BMP1: variants seen among roughly 807,000 people sequenced by gnomAD.
BMP1 encodes bone morphogenetic protein 1, also known as mammalian tolloid protein.
BMP1 carries 63 observed loss-of-function variants against 116.8 expected under a neutral mutation model. That is an observed-to-expected ratio of 0.54 (90% CI 0.44 to 0.67). The LOEUF (loss-of-function observed/expected upper bound fraction) is 0.67, where lower values mean the gene tolerates loss of function less well. BMP1 is among the 30% of genes least tolerant of loss of function. The pLI, the probability that BMP1 is intolerant of heterozygous loss-of-function variation, is 0.00. For missense variants in BMP1, 1,183 were observed against 1,358.9 expected, an observed-to-expected ratio of 0.87 and a Z score of 2.04; for synonymous variants, 536 against 533.4, an observed-to-expected ratio of 1.00 and a Z score of -0.07.
chr8:22,207,925 C>G (rs2131903229), intron 18 of BMP1, among the ~76,000 whole-genome samples: 1 of 151,984 alleles, frequency 6.6e-6, no homozygotes, highest in African/African-American at 2.4e-5. Context: ...GCTCTGTCGC[C>G]CAGGCTGGAG....
chr8:22,183,927 A>G (rs763555902), intron 8 of BMP1, among the ~76,000 whole-genome samples: 78 of 152,284 alleles, frequency 5.1e-4, no homozygotes, highest in Admixed American at 1.8e-3. Context: ...CAGCAACACT[A>G]TGGGCCAGAT....
intron 2 of BMP1, among the ~76,000 whole-genome samples, chr8:22,174,399 T>C (rs1828369955): frequency 2.0e-5 from 3 of 152,142 alleles, no homozygotes; most frequent in Admixed American, 6.5e-5. Context: ...TTATCCTTGA[T>C]TGTGGTCCAA....
chr8:22,165,882 C>CGTGTGTGTGTGTGTGTGTGT lies in BMP1; in HGVS notation c.148+354_148+373dup, dbSNP rs149003237. The stretch of plus-strand genomic sequence containing the variant: ...TTTTCTGGCCAAACTCCTGTGCGTG[C>CGTGTGTGTGTGTGTGTGTGT]GTGTGTGTGTGTGTGTGTGTGTGTG... On this transcript the variant is annotated intron_variant, in intron 1 of 19. Transcript: ENST00000306385. Among the ~76,000 whole-genome samples, 1,086 of 131,384 alleles carry CGTGTGTGTGTGTGTGTGTGT rather than the reference C, an allele frequency of 8.3e-3. 27 individuals carry two copies. The highest frequency in any genetic ancestry group is 0.021 in the East Asian group (80 of 3,870). The allele number at this position is 131,384 out of a possible 152,430, so 86.2% of individuals were successfully genotyped here. A position where few individuals can be genotyped will look rare whatever the true frequency, so the allele number is the denominator to read the frequency against.
At chr8:22,203,294 G>A (rs1324881609) in intron 16 of BMP1, among the ~76,000 whole-genome samples, 1 of 152,138 alleles carries the variant, frequency 6.6e-6, no homozygotes, top group Non-Finnish European at 1.5e-5. Flanking sequence ...AGTGGCTCAC[G>A]CCTGTAATCC....
intron 8 of BMP1, among the ~76,000 whole-genome samples, chr8:22,185,367 G>A (rs983808275): frequency 5.9e-5 from 9 of 151,728 alleles, no homozygotes; most frequent in Admixed American, 3.9e-4. Flanking sequence ...CAGGAGAATC[G>A]CTCGCTCAAA....
At position 22,209,679 on chromosome 8, in the gene BMP1, G is replaced by A. The variant is rs1408532122; in HGVS notation, c.2810G>A (p.Arg937His). ...GACAGCACAGCCCCCAGGCTGGGGC[G>A]CTACTGTGGCTCAGGGGTGAGGCCC... The part of the protein sequence containing the change: ...GYDSTAPRLG[R>H]YCGSGPPEEV... Residue 937 changes from arginine to histidine, a missense_variant, in exon 19 of 20, where the codon CGC (arginine) becomes CAC (histidine). Arg to His is a conservative substitution (Grantham distance 29). Around this residue, in one of 4 missense-constraint regions of BMP1, gnomAD observed 956 missense variants for 1,135.2 expected, o/e 0.84. Transcript: ENST00000306385. 8.7e-6 allele frequency: 14 copies of A among 1,613,870 alleles called. No homozygotes were observed. The highest frequency in any genetic ancestry group is 1.2e-5 in the Non-Finnish European group (14 of 1,179,952).
chr8:22,209,012 G>GT (rs1217018694), intron 18 of BMP1, among the ~76,000 whole-genome samples: 3 of 152,212 alleles, frequency 2.0e-5, no homozygotes, highest in East Asian at 3.9e-4. Context: ...CCCACACTGT[G>GT]TTTTTTTTAA....
intron 15 of BMP1, among the ~76,000 whole-genome samples, chr8:22,197,961 G>C (rs1196547110): frequency 6.6e-6 from 1 of 152,166 alleles, no homozygotes; most frequent in Non-Finnish European, 1.5e-5. Flanking sequence ...GAGGCAGGAG[G>C]ATCACTTGAG....
In BMP1 at chr8:22,194,295, A is replaced by G; in HGVS notation, c.1297+121A>G. The G allele has an allele frequency of 6.9e-7, 1 of 1,448,514 alleles. No homozygotes were observed. Among genetic ancestry groups the G allele is most frequent in the Non-Finnish European group, 9.6e-7 (1 of 1,043,340 alleles). 89.7% of individuals were successfully genotyped at this position (1,448,514 alleles called of 1,614,324 possible). ...GTTCCCAAGGGAAGAAGCAGAGAGAATGATGGGATTGCCTGGGACTGGGGG... is the reference window on the plus strand; with the variant it reads ...GTTCCCAAGGGAAGAAGCAGAGAGAGTGATGGGATTGCCTGGGACTGGGGG... On this transcript the variant is annotated intron_variant, in intron 10 of 19. Transcript: ENST00000306385. This position sits in a 1 kb window ranked among gnomAD's most constrained non-coding sequence, Gnocchi z 4.5.
At chr8:22,195,314 A>G in intron 12 of BMP1, 148 bp from the exon 13 acceptor site, 2 of 956,518 alleles carry the variant, frequency 2.1e-6, no homozygotes, top group Non-Finnish European at 3.1e-6. Context: ...ACACCAGCCC[A>G]GTCCATGTGC....
chr8:22,177,236 C>G, intron 5 of BMP1, 97 bp downstream of exon 5: 1 of 1,295,248 alleles, frequency 7.7e-7, no homozygotes, highest in Non-Finnish European at 1.1e-6. Context: ...CTCCAGCCAG[C>G]CGTCATCGCC....
intron 8 of BMP1, among the ~76,000 whole-genome samples, chr8:22,183,819 G>T (rs575627282): frequency 1.3e-5 from 2 of 152,120 alleles, no homozygotes; most frequent in South Asian, 2.1e-4. Flanking sequence ...GAGGTGATTC[G>T]CCTGCCTCGG....
Position 22,209,557 on chromosome 8 carries a change from C to T in BMP1, c.2688C>T (p.Ala896=), listed in dbSNP as rs4076619. The change falls in exon 19 of 20, where the codon GCC becomes GCT. Residue 896 remains alanine, a synonymous_variant. Coordinates refer to ENST00000306385, the MANE Select transcript of BMP1 (RefSeq NM_006129.5). ...GGVDCEWVIV[A]EEGYGVELVF... The stretch of plus-strand genomic sequence containing the variant: ...TGGACTGTGAGTGGGTCATTGTGGC[C>T]GAGGAAGGCTACGGCGTGGAGCTCG... 43,511 of 1,614,086 alleles carry T rather than the reference C, an allele frequency of 0.027. 7,298 individuals are homozygous for T. The African/African-American group carries it at 0.42, about 15-fold the overall frequency.
intron 13 of BMP1, chr8:22,196,294 C>T (rs1399464590): frequency 3.6e-6 from 2 of 551,232 alleles, no homozygotes; most frequent in South Asian, 1.4e-5. Context: ...ATGGCTCCAG[C>T]TCACTAGGCC....
chr8:22,193,507 G>C (rs1309921321), intron 9 of BMP1, among the ~76,000 whole-genome samples: 1 of 152,230 alleles, frequency 6.6e-6, no homozygotes, highest in East Asian at 1.9e-4. Context: ...ACCTTGGCCA[G>C]GCACGGTGGC....
intron 1 of BMP1, among the ~76,000 whole-genome samples, chr8:22,172,664 T>C (rs369763295): frequency 4.0e-5 from 6 of 148,184 alleles, no homozygotes; most frequent in African/African-American, 1.3e-4. Flanking sequence ...CCAGGCTGGA[T>C]TGCAGTGGCA....
Position 22,180,343 on chromosome 8 carries a change from G to A in BMP1, c.962-25G>A, listed in dbSNP as rs559069167. 1.0e-5 allele frequency: 16 copies of A among 1,587,386 alleles called. No homozygotes were observed. In the East Asian group the frequency reaches 3.4e-4, roughly 33 times the overall value. On this transcript the variant is annotated intron_variant, in intron 7 of 19. Transcript: ENST00000306385. ...GGGGGGATTTGGCGCCTGCAGCCCT[G>A]CCCTGTCATTTCCTTTCCTCACAGC...
At chr8:22,176,690 C>A (rs1187973239) in intron 4 of BMP1, 40 bp downstream of exon 4, 18 of 1,600,672 alleles carry the variant, frequency 1.1e-5, no homozygotes, top group Non-Finnish European at 1.4e-5. Flanking sequence ...TCCGCCATTG[C>A]CCCAACCCAG....
chr8:22,211,614 G>T lies in BMP1; in HGVS notation c.2847G>T (p.Ser949=), dbSNP rs149176169. 8 of 1,614,148 alleles carry T rather than the reference G, an allele frequency of 5.0e-6. No individual in the cohort carries two copies. Among genetic ancestry groups the T allele is most frequent in the Middle Eastern group, 1.6e-4 (1 of 6,062 alleles). ...GCCAGCCTCCTGAGGAGGTGTACTC[G>T]GCGGGAGATTCTGTCCTGGTGAAGT... ...CGSGPPEEVY[S]AGDSVLVKFH... Residue 949 remains serine, a synonymous_variant, in exon 20 of 20, where the codon TCG becomes TCT. Coordinates refer to ENST00000306385, the MANE Select transcript of BMP1 (RefSeq NM_006129.5).
Sources: allele counts gnomAD v4.1 joint callset (sites outside exome capture counted in the v4.1 genomes callset), GRCh38; gene constraint gnomAD v4.1.1; regional missense constraint gnomAD v4.1.1; non-coding constraint Gnocchi (gnomAD v3.1); transcripts MANE v1.5; gene names NCBI Gene and HGNC (gene_info 2026-07-23, HGNC 2026-07-21).